RIN2: variants seen among roughly 807,000 people sequenced by gnomAD.
The protein encoded by RIN2 is RAB5 interacting protein 2.
Under a neutral mutation model 78.0 loss-of-function variants are expected in RIN2, and 36 were observed. The observed-to-expected ratio is 0.46, with a 90% CI of 0.35 to 0.61. The LOEUF (loss-of-function observed/expected upper bound fraction) is 0.61. Among genes scored for constraint, RIN2 ranks in the 20% least tolerant of loss-of-function variants. The pLI is 0.00. For synonymous variants in RIN2, 466 were observed against 466.8 expected (o/e 1.00, Z 0.02); for missense variants, 1,087 against 1,159.7 (o/e 0.94, Z 0.91).
chr20:19,847,669 A>T (rs1450033620), intron 2 of RIN2, among the ~76,000 whole-genome samples: 1 of 152,226 alleles, frequency 6.6e-6, no homozygotes, highest in Non-Finnish European at 1.5e-5. Context: ...AATGAAAAAG[A>T]GATAAAATAT....
rs2042243171 is a variant in RIN2, at chr20:19,975,306, G to A, written c.1281G>A (p.Gln427=). Residue 427 remains glutamine (Q), a synonymous_variant, in exon 9 of 13, where the codon CAG becomes CAA. Transcript: ENST00000255006. This position sits in a 1 kb window ranked among gnomAD's most constrained non-coding sequence, Gnocchi z 4.9. ...ESRPPCHGGR[Q]RLSDMSISTS... ...GGCCCCCGTGCCATGGAGGCCGGCA[G>A]CGGCTGAGCGACATGAGCATTTCTA... 1.2e-6 allele frequency: 2 copies of A among 1,606,222 alleles called. No individual in the cohort carries two copies. Among genetic ancestry groups the A allele is most frequent in the African/African-American group, 2.7e-5 (2 of 74,810 alleles).
intron 1 of RIN2, among the ~76,000 whole-genome samples, chr20:19,771,861 GCCTCCTGCCT>G (rs531899502): frequency 1.2e-4 from 18 of 151,956 alleles, no homozygotes; most frequent in African/African-American, 2.2e-4. Flanking sequence ...CCCTTCTCAA[GCCTCCTGCCT>G]CCTCCTGCCT....
At chr20:19,997,711 A>G (rs1302994314) in intron 12 of RIN2, among the ~76,000 whole-genome samples, 5 of 151,994 alleles carry the variant, frequency 3.3e-5, no homozygotes, top group Admixed American at 3.3e-4. Flanking sequence ...GTGAGCCGAG[A>G]TCACGCCACT....
intron 6 of RIN2, among the ~76,000 whole-genome samples, chr20:19,961,207 G>A (rs2041735006): frequency 1.3e-5 from 2 of 152,188 alleles, no homozygotes; most frequent in African/African-American, 4.8e-5. Context: ...CCTAAAGCAT[G>A]TGTCTGCACT....
chr20:19,962,855 G>A (rs1373331076), intron 6 of RIN2, among the ~76,000 whole-genome samples: 5 of 152,196 alleles, frequency 3.3e-5, no homozygotes, highest in Non-Finnish European at 5.9e-5. Context: ...TGCTCAGGAG[G>A]TTGAGGCAGG....
chr20:19,867,029 A>G (rs145670081), intron 2 of RIN2, among the ~76,000 whole-genome samples: 1 of 152,076 alleles, frequency 6.6e-6, no homozygotes, highest in African/African-American at 2.4e-5. Context: ...TGTTTAATGG[A>G]ATGCATTTTT....
At chr20:19,919,094 T>C (rs2039803416) in intron 3 of RIN2, among the ~76,000 whole-genome samples, 1 of 152,192 alleles carries the variant, frequency 6.6e-6, no homozygotes, top group African/African-American at 2.4e-5. Flanking sequence ...GAAGCTGAGG[T>C]GGAGCAACTG....
At chr20:19,886,732 C>T in intron 2 of RIN2, 1 of 1,548,902 alleles carries the variant, frequency 6.5e-7, no homozygotes, top group Non-Finnish European at 8.7e-7. Context: ...AAAGAACAAG[C>T]TTCCAACCGG....
At chr20:19,942,038 AG>A (rs2040892383) in intron 4 of RIN2, among the ~76,000 whole-genome samples, 1 of 150,982 alleles carries the variant, frequency 6.6e-6, no homozygotes, top group Non-Finnish European at 1.5e-5. Flanking sequence ...TGAACCTGAA[AG>A]ATGGAGGTTG....
Position 20,000,947 on chromosome 20 carries a change from G to T in RIN2, c.*11G>T. On this transcript the variant is annotated 3_prime_UTR_variant, in exon 13 of 13. Transcript: ENST00000255006. ...CTCACCACCTCCTAGAAGACAGGCG[G>T]GACTTCCCAGTGGTGCATCCAAAGG... is the stretch of plus-strand genomic sequence containing the variant. 6.3e-7 allele frequency: 1 copy of T among 1,598,142 alleles called. No individual in the cohort carries two copies. The highest frequency in any genetic ancestry group is 8.5e-7 in the Non-Finnish European group (1 of 1,172,584).
chr20:19,955,414 G>A (rs2041492887), intron 4 of RIN2, among the ~76,000 whole-genome samples: 1 of 151,656 alleles, frequency 6.6e-6, no homozygotes, highest in African/African-American at 2.4e-5. Context: ...ATGGCTTACT[G>A]CAGCCTTAAA....
chr20:19,796,612 G>A (rs904458064), intron 1 of RIN2, among the ~76,000 whole-genome samples: 2 of 152,202 alleles, frequency 1.3e-5, no homozygotes. Flanking sequence ...GTGTTTGAAA[G>A]CTATGAGTCA....
At chr20:19,954,045 G>T (rs1350144832) in intron 4 of RIN2, among the ~76,000 whole-genome samples, 1 of 152,154 alleles carries the variant, frequency 6.6e-6, no homozygotes, top group African/African-American at 2.4e-5. Context: ...AGAAAGTCAC[G>T]AAGGTGATGG....
At chr20:20,000,527 A>T in intron 12 of RIN2, 86 bp from the exon 13 acceptor site, 1 of 1,084,132 alleles carries the variant, frequency 9.2e-7, no homozygotes, top group Non-Finnish European at 1.3e-6. Flanking sequence ...GAAATGGCTT[A>T]CAGTTACCCC....
intron 4 of RIN2, 84 bp from the exon 5 acceptor site, chr20:19,956,531 T>G (rs559122969): frequency 1.5e-6 from 2 of 1,313,744 alleles, no homozygotes; most frequent in Non-Finnish European, 2.2e-6. Context: ...GTGGCAAGCC[T>G]GGCCTATGAA....
intron 2 of RIN2, among the ~76,000 whole-genome samples, chr20:19,851,030 GAAGGAAGGAAGGAAGGAAGGAGAA>G (rs1385013380): frequency 3.3e-4 from 35 of 106,434 alleles, no homozygotes; most frequent in East Asian, 8.3e-4. Context: ...AGGAAGGAAG[GAAGGAAGGAAGGAAGGAAGGAGAA>G]AGAAAGGAAG....
intron 2 of RIN2, among the ~76,000 whole-genome samples, chr20:19,873,161 A>T (rs898149456): frequency 6.6e-6 from 1 of 151,042 alleles, no homozygotes; most frequent in African/African-American, 2.4e-5. Context: ...GTCTTGCTCT[A>T]TCACCCAGGC....
chr20:19,955,981 G>T (rs770253885), intron 4 of RIN2, among the ~76,000 whole-genome samples: 4 of 152,122 alleles, frequency 2.6e-5, no homozygotes, highest in Non-Finnish European at 5.9e-5. Flanking sequence ...TATTGGCCAG[G>T]CAGGGTGGCT....
intron 3 of RIN2, among the ~76,000 whole-genome samples, chr20:19,933,950 A>C (rs1318431898): frequency 1.3e-5 from 2 of 152,228 alleles, no homozygotes; most frequent in South Asian, 4.2e-4. Context: ...CTGGGACTAC[A>C]GGCACGCACC....
Sources: allele counts gnomAD v4.1 joint callset (sites outside exome capture counted in the v4.1 genomes callset), GRCh38; gene constraint gnomAD v4.1.1; non-coding constraint Gnocchi (gnomAD v3.1); transcripts MANE v1.5; gene names NCBI Gene and HGNC (gene_info 2026-07-23, HGNC 2026-07-21).